ADGRG7: variants seen among roughly 807,000 people sequenced by gnomAD.
ADGRG7 encodes the protein G-protein coupled receptor 128.
In ADGRG7, 82 loss-of-function variants were observed where a neutral mutation model predicts 88.6. The ratio of observed to expected loss-of-function variants is 0.93; its 90% CI spans 0.77 to 1.11. The LOEUF (loss-of-function observed/expected upper bound fraction) is 1.11. Ranked by LOEUF, ADGRG7 falls within the 50% of genes most tolerant of loss-of-function variation. The pLI, the probability that ADGRG7 is intolerant of heterozygous loss-of-function variation, is 0.00. For synonymous variants in ADGRG7, 381 were observed against 345.2 expected (o/e 1.10, Z -1.15); for missense variants, 945 against 953.4 (o/e 0.99, Z 0.12).
intron 14 of ADGRG7, among the ~76,000 whole-genome samples, chr3:100,668,022 C>G (rs1422235279): frequency 2.6e-5 from 4 of 152,152 alleles, no homozygotes; most frequent in African/African-American, 9.7e-5. Flanking sequence ...TCACAGCTTT[C>G]CTTGGGTAGG....
intron 15 of ADGRG7, among the ~76,000 whole-genome samples, chr3:100,690,995 G>A (rs1347979773): frequency 6.6e-6 from 1 of 152,242 alleles, no homozygotes; most frequent in African/African-American, 2.4e-5. Context: ...GCCTCCTTGA[G>A]CTGTGGTGGG....
chr3:100,693,953 C>T (rs1278012570), intron 15 of ADGRG7, among the ~76,000 whole-genome samples: 6 of 152,148 alleles, frequency 3.9e-5, no homozygotes, highest in African/African-American at 7.2e-5. Flanking sequence ...TAGGCAGCAC[C>T]GTATATTGGA....
chr3:100,670,372 TTG>T (rs1391976670), intron 15 of ADGRG7, among the ~76,000 whole-genome samples: 11 of 152,216 alleles, frequency 7.2e-5, no homozygotes, highest in Non-Finnish European at 1.6e-4. Context: ...TAGTACTCCA[TTG>T]TGTATATGTA....
Position 100,637,357 on chromosome 3 carries a change from C to T in ADGRG7, c.653C>T (p.Ala218Val), listed in dbSNP as rs764275914. The change falls in exon 6 of 16, where the codon GCT becomes GTT. Residue 218 changes from alanine (A) to valine (V), a missense_variant. Ala to Val is a moderately conservative substitution (Grantham distance 64). Transcript: ENST00000273352. ...VSQLLDASED[A>V]FQRVAATAND... is the part of the protein sequence containing the mutation. Reference sequence around the variant, plus strand: ...CAACTCCTAGATGCCAGTGAAGATGCTTTTCAAAGAGTTGCTGCTACTGCT... The same window carrying T: ...CAACTCCTAGATGCCAGTGAAGATGTTTTTCAAAGAGTTGCTGCTACTGCT... 5.0e-5 allele frequency: 81 copies of T among 1,613,782 alleles called. No homozygotes were observed. Among genetic ancestry groups the T allele is most frequent in the Non-Finnish European group, 6.6e-5 (78 of 1,179,866 alleles).
intron 15 of ADGRG7, among the ~76,000 whole-genome samples, chr3:100,686,280 T>G (rs1418642603): frequency 6.6e-6 from 1 of 152,222 alleles, no homozygotes; most frequent in African/African-American, 2.4e-5. Flanking sequence ...TATTAGCCCT[T>G]TGTCAGATGA....
At chr3:100,682,404 AC>A (rs1460629227) in intron 15 of ADGRG7, among the ~76,000 whole-genome samples, 1 of 152,082 alleles carries the variant, frequency 6.6e-6, no homozygotes, top group Non-Finnish European at 1.5e-5. Context: ...CGCTTCGAGG[AC>A]CCAGCCAGCA....
chr3:100,644,712 G>A (rs1328972717), intron 8 of ADGRG7, among the ~76,000 whole-genome samples: 1 of 150,866 alleles, frequency 6.6e-6, no homozygotes, highest in Admixed American at 6.6e-5. Context: ...AATTTTTTTT[G>A]TAGAGACAGA....
Position 100,630,783 on chromosome 3 carries a change from A to C in ADGRG7, c.308A>C (p.Gln103Pro). The C allele has an allele frequency of 1.4e-6, 2 of 1,481,220 alleles. No homozygotes were observed. The highest frequency in any genetic ancestry group is 1.8e-6 in the Non-Finnish European group (2 of 1,116,596). 91.8% of individuals were successfully genotyped at this position (1,481,220 alleles called of 1,614,324 possible). ...GTGGGCAGATATGGACCATCCTTGC[A>C]AACATGTGGCAAGGATACTCCAAAT... ...IPVGRYGPSL[Q>P]TCGKDTPNAG... Residue 103 changes from glutamine to proline, a missense_variant, in exon 3 of 16, where the codon CAA (glutamine) becomes CCA (proline). Transcript: ENST00000273352.
chr3:100,688,807 A>C (rs1453984215), intron 15 of ADGRG7, among the ~76,000 whole-genome samples: 8 of 152,266 alleles, frequency 5.3e-5, no homozygotes, highest in South Asian at 4.1e-4. Flanking sequence ...CTATGTGGTC[A>C]ATTTTGGAAT....
At position 100,695,035 on chromosome 3, in the gene ADGRG7, C is replaced by A; in HGVS notation, c.*34C>A. 1.3e-6 allele frequency: 2 copies of A among 1,593,692 alleles called. No individual in the cohort carries two copies. The highest frequency in any genetic ancestry group is 2.3e-5 in the South Asian group (2 of 88,620). ...ACTTACCTGTTGTGGTCTTTTTAAT[C>A]ACCTCGTTTGAGTTTTATCTGTTTC... is the stretch of plus-strand genomic sequence containing the variant. On this transcript the variant is annotated 3_prime_UTR_variant, in exon 16 of 16. Coordinates refer to ENST00000273352, the MANE Select transcript of ADGRG7 (RefSeq NM_032787.3).
intron 11 of ADGRG7, among the ~76,000 whole-genome samples, chr3:100,650,873 C>A (rs1348803039): frequency 1.1e-4 from 16 of 152,080 alleles, no homozygotes; most frequent in Non-Finnish European, 1.5e-5. Context: ...TTTTTCTAGG[C>A]TATCACTCTT....
intron 15 of ADGRG7, among the ~76,000 whole-genome samples, chr3:100,689,651 T>A (rs2094989621): frequency 6.6e-6 from 1 of 152,208 alleles, no homozygotes; most frequent in Non-Finnish European, 1.5e-5. Context: ...TTTGGCTGGA[T>A]ATGAAATTCT....
intron 10 of ADGRG7, among the ~76,000 whole-genome samples, chr3:100,648,249 A>G (rs1418790772): frequency 1.3e-5 from 2 of 152,116 alleles, no homozygotes; most frequent in Non-Finnish European, 2.9e-5. Flanking sequence ...CTCAATGTCT[A>G]CGTACCTACA....
At chr3:100,674,068 G>T (rs3886276) in intron 15 of ADGRG7, among the ~76,000 whole-genome samples, 4,967 of 152,230 alleles carry the variant, frequency 0.033, 275 homozygotes, top group African/African-American at 0.11. Context: ...GTGTCCCAAA[G>T]ATTTGGGTAC....
chr3:100,686,201 T>C (rs1425072728), intron 15 of ADGRG7, among the ~76,000 whole-genome samples: 5 of 151,684 alleles, frequency 3.3e-5, no homozygotes, highest in African/African-American at 7.3e-5. Context: ...TCATATCCTT[T>C]GCCCACTTTT....
chr3:100,674,606 C>G lies in ADGRG7; in HGVS notation c.2136+5501C>G, dbSNP rs938440516. Reference sequence around the variant, plus strand: ...TTTTTTTTTTTTTTTGAGACAGAGTCTCGCTCTGTCACCCAGGCTGGAGTG... The same window carrying G: ...TTTTTTTTTTTTTTTGAGACAGAGTGTCGCTCTGTCACCCAGGCTGGAGTG... On this transcript the variant is annotated intron_variant, in intron 15 of 15. Coordinates refer to ENST00000273352, the MANE Select transcript of ADGRG7 (RefSeq NM_032787.3). Among the ~76,000 whole-genome samples, 11 of 141,436 alleles carry G rather than the reference C, an allele frequency of 7.8e-5. No homozygotes were observed. The South Asian group carries it at 2.0e-3, about 25-fold the overall frequency. 92.8% of individuals were successfully genotyped at this position (141,436 alleles called of 152,430 possible).
Position 100,691,313 on chromosome 3 carries a change from G to A in ADGRG7, c.2137-3431G>A, listed in dbSNP as rs143249439. Among the ~76,000 whole-genome samples, 938 of 152,214 alleles carry A rather than the reference G, an allele frequency of 6.2e-3. 10 individuals carry two copies. The highest frequency in any genetic ancestry group is 0.02 in the African/African-American group (823 of 41,520). ...AATTCCCTGACCCCTTGTGCTTCCCGGGTGAGGCAATGCCTCGCCCTGCTT... is the reference window on the plus strand; with the variant it reads ...AATTCCCTGACCCCTTGTGCTTCCCAGGTGAGGCAATGCCTCGCCCTGCTT... On this transcript the variant is annotated intron_variant, in intron 15 of 15. Transcript: ENST00000273352.
At chr3:100,665,438 A>C in intron 14 of ADGRG7, 2 of 537,964 alleles carry the variant, frequency 3.7e-6, no homozygotes, top group Non-Finnish European at 7.6e-6. Flanking sequence ...TTTTCCACTA[A>C]ATCTTCAGCA....
At chr3:100,667,242 C>T (rs1175846561) in intron 14 of ADGRG7, among the ~76,000 whole-genome samples, 2 of 151,986 alleles carry the variant, frequency 1.3e-5, no homozygotes, top group African/African-American at 4.8e-5. Context: ...AGGTTTGTTA[C>T]ATAGGTATAC....
Sources: gnomAD v4.1 joint callset for allele counts (sites outside exome capture counted in the v4.1 genomes callset) on GRCh38, gnomAD v4.1.1 for gene constraint, MANE v1.5 for transcripts, NCBI Gene and HGNC (gene_info 2026-07-23, HGNC 2026-07-21) for gene names.